ZMIZ2: variants seen among roughly 807,000 people sequenced by gnomAD.
ZMIZ2 encodes zinc finger MIZ-type containing 2.
In ZMIZ2, 26 loss-of-function variants were observed where a neutral mutation model predicts 93.9. The observed-to-expected ratio is 0.28, with a 90% CI of 0.20 to 0.38. The LOEUF (loss-of-function observed/expected upper bound fraction) is 0.38. Ranked by LOEUF, ZMIZ2 falls within the 10% of genes least tolerant of loss-of-function variation. The pLI, the probability that ZMIZ2 is intolerant of heterozygous loss-of-function variation, is 1.00. For missense variants in ZMIZ2, 1,023 were observed against 1,235.0 expected, an observed-to-expected ratio of 0.83 and a Z score of 2.57; for synonymous variants, 485 against 516.4, an observed-to-expected ratio of 0.94 and a Z score of 0.82.
Position 44,760,198 on chromosome 7 carries a change from C to A in ZMIZ2, c.1041C>A (p.Ser347Arg). The A allele has an allele frequency of 6.2e-7, 1 of 1,613,356 alleles. No homozygotes were observed. Residue 347 changes from serine (S) to arginine (R), a missense_variant, in exon 8 of 19, where the codon AGC becomes AGA. Physicochemically the swap from Ser to Arg is moderately radical, Grantham distance 110. Around this residue, in one of 3 missense-constraint regions of ZMIZ2, gnomAD observed 656 missense variants for 777.1 expected, o/e 0.84. Coordinates refer to ENST00000309315, the MANE Select transcript of ZMIZ2 (RefSeq NM_031449.4). ...AGGGCGCCAGCTTCAACGGGGGCAGCGTCAGCTACAGCCAACCTGGCCTGA... is the reference window on the plus strand; with the variant it reads ...AGGGCGCCAGCTTCAACGGGGGCAGAGTCAGCTACAGCCAACCTGGCCTGA... ...NGQGASFNGG[S>R]VSYSQPGLSG...
Position 44,765,506 on chromosome 7 carries a change from G to A in ZMIZ2, c.2169G>A (p.Leu723=). The change falls in exon 16 of 19, where the codon CTG becomes CTA. Residue 723 remains leucine (L), a synonymous_variant. Transcript: ENST00000309315. The surrounding 1 kb of genome is among the most constrained non-coding windows in gnomAD (Gnocchi z 4.1). The stretch of plus-strand genomic sequence containing the variant: ...GCGTGATGGAGATGATCGCCGCCCT[G>A]GGCCCCGGCGCTGCCCCCTTTGCCC... ...MPSVMEMIAA[L]GPGAAPFAPL... is the part of the protein sequence containing the mutation. The A allele has an allele frequency of 6.3e-7, 1 of 1,597,782 alleles. No homozygotes were observed.
chr7:44,766,786 A>G lies in ZMIZ2; in HGVS notation c.2655+123A>G, dbSNP rs1791755354. 1.4e-6 allele frequency: 2 copies of G among 1,453,798 alleles called. No individual in the cohort carries two copies. The highest frequency in any genetic ancestry group is 2.7e-5 in the South Asian group (2 of 73,976). 90.1% of individuals were successfully genotyped at this position (1,453,798 alleles called of 1,614,324 possible). ...TCAGAGAGCCGGTCAGATAAGGTCA[A>G]CTAAATGCAGCTTTTGTTCATGAAT... On this transcript the variant is annotated intron_variant, in intron 18 of 18. Transcript: ENST00000309315. This position sits in a 1 kb window ranked among gnomAD's most constrained non-coding sequence, Gnocchi z 4.4.
intron 5 of ZMIZ2, 50 bp downstream of exon 5, chr7:44,757,611 G>A: frequency 6.5e-7 from 1 of 1,539,252 alleles, no homozygotes; most frequent in Non-Finnish European, 8.7e-7. Context: ...CTGAGGGCCT[G>A]GGAGGAGGTA....
Position 44,763,320 on chromosome 7 carries a change from G to A in ZMIZ2, c.1767G>A (p.Val589=), listed in dbSNP as rs1791391437. 6.2e-6 allele frequency: 10 copies of A among 1,614,130 alleles called. No homozygotes were observed. The highest frequency in any genetic ancestry group is 8.5e-6 in the Non-Finnish European group (10 of 1,180,024). ...CTGGGCCCAACGGAGAGGACGGGGT[G>A]GAGCAGACAGCTATCAAGGTGTCCC... The part of the protein sequence containing the change: ...GTPGPNGEDG[V]EQTAIKVSLK... Residue 589 remains valine (V), a synonymous_variant, in exon 13 of 19, where the codon GTG becomes GTA. Transcript: ENST00000309315. This position sits in a 1 kb window ranked among gnomAD's most constrained non-coding sequence, Gnocchi z 5.6.
chr7:44,760,724 T>C, intron 9 of ZMIZ2, 131 bp downstream of exon 9: 1 of 1,176,712 alleles, frequency 8.5e-7, no homozygotes. Flanking sequence ...AGAAAAGGGC[T>C]GGGTGTGGTG....
intron 1 of ZMIZ2, among the ~76,000 whole-genome samples, chr7:44,752,159 C>T (rs1790211673): frequency 1.3e-5 from 2 of 150,298 alleles, no homozygotes; most frequent in African/African-American, 4.9e-5. Context: ...GATGGAGTTT[C>T]ACTCTTGCTG....
Position 44,761,990 on chromosome 7 carries a change from C to A in ZMIZ2, c.1596+85C>A. On this transcript the variant is annotated intron_variant, in intron 11 of 18. Transcript: ENST00000309315. This position sits in a 1 kb window ranked among gnomAD's most constrained non-coding sequence, Gnocchi z 5.8. ...GGCCCAGCGGTGCCGTGGGGTGGGG[C>A]GGGGTGTGGGCGGGGCCTGGCCCAG... The A allele has an allele frequency of 1.1e-5, 1 of 94,398 alleles. No homozygotes were observed. Among genetic ancestry groups the A allele is most frequent in the Non-Finnish European group, 2.0e-5 (1 of 50,612 alleles). The allele number at this position is 94,398 out of a possible 1,614,324, so 5.8% of individuals were successfully genotyped here. A position where few individuals can be genotyped will look rare whatever the true frequency, so the allele number is the denominator to read the frequency against.
chr7:44,765,749 G>T lies in ZMIZ2; in HGVS notation c.2242+170G>T, dbSNP rs1459960562. The T allele has an allele frequency of 9.0e-7, 1 of 1,113,470 alleles. No homozygotes were observed. The highest frequency in any genetic ancestry group is 1.2e-6 in the Non-Finnish European group (1 of 803,590). 69.0% of individuals were successfully genotyped at this position (1,113,470 alleles called of 1,614,324 possible). The stretch of plus-strand genomic sequence containing the variant: ...GGCACCTCCAGCCCCTCCCATCTCA[G>T]GGACGTGGCGGTGAAGGCACAGTCT... On this transcript the variant is annotated intron_variant, in intron 16 of 18. Transcript: ENST00000309315. The surrounding 1 kb of genome is among the most constrained non-coding windows in gnomAD (Gnocchi z 4.1).
At chr7:44,752,735 G>A (rs1292273856) in intron 1 of ZMIZ2, among the ~76,000 whole-genome samples, 2 of 152,178 alleles carry the variant, frequency 1.3e-5, no homozygotes, top group South Asian at 2.1e-4. Flanking sequence ...ATGTACCACC[G>A]TTGATTTAAC....
chr7:44,767,226 G>A (rs145707599), intron 18 of ZMIZ2, among the ~76,000 whole-genome samples: 2 of 152,316 alleles, frequency 1.3e-5, no homozygotes, highest in Non-Finnish European at 2.9e-5. Flanking sequence ...CAGAGGGAGT[G>A]TGGAGTGGCT....
At position 44,763,222 on chromosome 7, in the gene ZMIZ2, C is replaced by T. The variant is rs1278482946; in HGVS notation, c.1703-34C>T. ...ATTCACACCTCCCCATCTTGGGGAC[C>T]CTTTACTCAAGTCCTTTACCTTGTT... On this transcript the variant is annotated intron_variant, in intron 12 of 18. Transcript: ENST00000309315. This position sits in a 1 kb window ranked among gnomAD's most constrained non-coding sequence, Gnocchi z 5.6. 2.5e-6 allele frequency: 4 copies of T among 1,605,844 alleles called. No individual in the cohort carries two copies. The highest frequency in any genetic ancestry group is 4.5e-5 in the East Asian group (2 of 44,684).
At position 44,767,659 on chromosome 7, in the gene ZMIZ2, C is replaced by A; in HGVS notation, c.*36C>A. 6.4e-7 allele frequency: 1 copy of A among 1,565,644 alleles called. No individual in the cohort carries two copies. Among genetic ancestry groups the A allele is most frequent in the Non-Finnish European group, 8.8e-7 (1 of 1,136,674 alleles). On this transcript the variant is annotated 3_prime_UTR_variant, in exon 19 of 19. Transcript: ENST00000309315. ...ACCCCAAGCCCGGCGGGGACACGCT[C>A]ACAGATGTCACCACAGCCCTGCCCT...
upstream of ZMIZ2, chr7:44,748,640 G>C (rs894382648): frequency 6.6e-6 from 1 of 151,866 alleles, no homozygotes; most frequent in Non-Finnish European, 1.5e-5. Context: ...AGGTGTGGAG[G>C]GGGCTGGGGG....
At chr7:44,755,336 CTG>C (rs1314693716) in intron 1 of ZMIZ2, among the ~76,000 whole-genome samples, 1 of 152,096 alleles carries the variant, frequency 6.6e-6, no homozygotes, top group African/African-American at 2.4e-5. Context: ...ATCTATTGTG[CTG>C]TGTGTCCCTG....
At position 44,767,000 on chromosome 7, in the gene ZMIZ2, T is replaced by G. The variant is rs142620261; in HGVS notation, c.2655+337T>G. Among the ~76,000 whole-genome samples the G allele has an allele frequency of 2.0e-4, 30 of 152,278 alleles. No homozygotes were observed. Among genetic ancestry groups the G allele is most frequent in the Non-Finnish European group, 4.3e-4 (29 of 68,010 alleles). ...CCTGGGTCTTGACTCACAGGTGGAA[T>G]GGGAGTGCAAACTCAGTACATGAAG... is the stretch of plus-strand genomic sequence containing the variant. On this transcript the variant is annotated intron_variant, in intron 18 of 18. Transcript: ENST00000309315. The surrounding 1 kb of genome is among the most constrained non-coding windows in gnomAD (Gnocchi z 4.4).
intron 1 of ZMIZ2, among the ~76,000 whole-genome samples, chr7:44,752,332 G>A (rs1339439316): frequency 6.6e-6 from 1 of 151,960 alleles, no homozygotes; most frequent in African/African-American, 2.4e-5. Flanking sequence ...TAGTAGAGTT[G>A]GGGTTTCACC....
chr7:44,756,050 C>A lies in ZMIZ2; in HGVS notation c.-62-138C>A, dbSNP rs192549646. ...GGTGGGTCAGTACTAGGCCCCTCCA[C>A]TGCCTTGCCTGCCATCAGAGCCCAG... On this transcript the variant is annotated intron_variant, in intron 1 of 18. Coordinates refer to ENST00000309315, the MANE Select transcript of ZMIZ2 (RefSeq NM_031449.4). 8 of 680,346 alleles carry A rather than the reference C, an allele frequency of 1.2e-5. No individual in the cohort carries two copies. The East Asian group carries it at 1.9e-4, about 16-fold the overall frequency. The allele number at this position is 680,346 out of a possible 1,614,324, so 42.1% of individuals were successfully genotyped here. A position where few individuals can be genotyped will look rare whatever the true frequency, so the allele number is the denominator to read the frequency against.
chr7:44,766,203 T>TA lies in ZMIZ2; in HGVS notation c.2282_2283insA (p.Phe761LeufsTer13). ...GGGCCTGGAACTTTCCCTGAGTCCT[T>TA]CCCACCCACCACGCCCAGCACCCCA... is the stretch of plus-strand genomic sequence containing the variant. On this transcript the variant is annotated frameshift_variant, in exon 17 of 19. Coordinates refer to ENST00000309315, the MANE Select transcript of ZMIZ2 (RefSeq NM_031449.4). LOFTEE classifies it high-confidence loss of function. This position sits in a 1 kb window ranked among gnomAD's most constrained non-coding sequence, Gnocchi z 4.4. The TA allele has an allele frequency of 4.4e-6, 7 of 1,598,452 alleles. No individual in the cohort carries two copies. Among genetic ancestry groups the TA allele is most frequent in the Non-Finnish European group, 6.0e-6 (7 of 1,167,486 alleles).
In ZMIZ2 at chr7:44,756,439, C is replaced by T. The variant is rs374086780; in HGVS notation, c.65C>T (p.Ala22Val). ...TTTCCCTGCAGTGATGGTTCATTCG[C>T]ATATGAGTCTGTGCCTTGGCAACAA... Reference protein sequence around the residue: ...PPAPHGDGSFAYESVPWQQSA... With the variant: ...PPAPHGDGSFVYESVPWQQSA... Residue 22 changes from alanine to valine, a missense_variant, in exon 3 of 19, where the codon GCA becomes GTA. Physicochemically the swap from Ala to Val is moderately conservative, Grantham distance 64. Coordinates refer to ENST00000309315, the MANE Select transcript of ZMIZ2 (RefSeq NM_031449.4). 4.3e-6 allele frequency: 7 copies of T among 1,613,994 alleles called. No individual in the cohort carries two copies. Among genetic ancestry groups the T allele is most frequent in the Non-Finnish European group, 5.9e-6 (7 of 1,180,032 alleles).
Sources: allele counts gnomAD v4.1 joint callset (sites outside exome capture counted in the v4.1 genomes callset), GRCh38; gene constraint gnomAD v4.1.1; regional missense constraint gnomAD v4.1.1; non-coding constraint Gnocchi (gnomAD v3.1); transcripts MANE v1.5; gene names NCBI Gene and HGNC (gene_info 2026-07-23, HGNC 2026-07-21).